The following DNAH1 variants were observed in gnomAD, a reference collection of about 807,000 sequenced individuals.
DNAH1 encodes axonemal beta dynein heavy chain 1.
DNAH1 carries 327 observed loss-of-function variants against 484.3 expected under a neutral mutation model. The ratio of observed to expected loss-of-function variants is 0.68; its 90% CI spans 0.62 to 0.74. The LOEUF is 0.74. DNAH1 is among the 30% of genes least tolerant of loss of function. DNAH1 has a pLI of 0.00. For missense variants in DNAH1, 5,052 were observed against 5,546.8 expected (o/e 0.91, Z 2.83); for synonymous variants, 2,192 against 2,191.9 (o/e 1.00, Z 0.00).
In DNAH1 at chr3:52,352,707, T is replaced by C. The variant is rs750685675; in HGVS notation, c.3027T>C (p.Asn1009=). The stretch of plus-strand genomic sequence containing the variant: ...GCATCTTCAGCTTGCCCATCACCAA[T>C]GTAGGCCTCCTGCAGGCACCCTGCC... ...RERIFSLPIT[N]YDKLSRMVKE... is the part of the protein sequence containing the mutation. The change falls in exon 18 of 78, where the codon AAT becomes AAC. Residue 1009 remains asparagine (N), a splice_region_variant and synonymous_variant. Coordinates refer to ENST00000420323, the MANE Select transcript of DNAH1 (RefSeq NM_015512.5). The C allele has an allele frequency of 1.2e-6, 2 of 1,608,278 alleles. No individual in the cohort carries two copies. The highest frequency in any genetic ancestry group is 1.7e-6 in the Non-Finnish European group (2 of 1,175,980).
At chr3:52,365,190 G>A (rs536701277) in intron 34 of DNAH1, among the ~76,000 whole-genome samples, 171 bp downstream of exon 34, 46 of 152,280 alleles carry the variant, frequency 3.0e-4, no homozygotes, top group Admixed American at 4.6e-4. Flanking sequence ...CAGATGTCCC[G>A]GCCCAGTCTC....
In DNAH1 at chr3:52,379,117, G is replaced by C. The variant is rs1038869183; in HGVS notation, c.7377+337G>C. On this transcript the variant is annotated intron_variant, in intron 47 of 77. Coordinates refer to ENST00000420323, the MANE Select transcript of DNAH1 (RefSeq NM_015512.5). The surrounding 1 kb of genome is among the most constrained non-coding windows in gnomAD (Gnocchi z 4.4). ...GAACCAAAAACCCCAGGTGGAAGGA[G>C]GGGGAAGTGTAGCAGGGAGCCAGGT... 6.6e-6 allele frequency among the ~76,000 whole-genome samples: 1 copy of C among 152,222 alleles called. No homozygotes were observed. Among genetic ancestry groups the C allele is most frequent in the African/African-American group, 2.4e-5 (1 of 41,458 alleles).
Position 52,391,472 on chromosome 3 carries a change from G to A in DNAH1, c.9921G>A (p.Leu3307=), listed in dbSNP as rs373665452. The change falls in exon 63 of 78, where the codon CTG becomes CTA. Residue 3307 remains leucine, a synonymous_variant. Coordinates refer to ENST00000420323, the MANE Select transcript of DNAH1 (RefSeq NM_015512.5). ...QTYKQQGNTV[L]KLGDTVIPYH... is the part of the protein sequence containing the mutation. ...ACAAGCAGCAGGGAAACACGGTGCT[G>A]AAGCTGGGGGACACGGTGATCCCCT... is the stretch of plus-strand genomic sequence containing the variant. The A allele has an allele frequency of 1.9e-6, 3 of 1,612,444 alleles. No homozygotes were observed. Among genetic ancestry groups the A allele is most frequent in the Admixed American group, 3.3e-5 (2 of 59,772 alleles).
chr3:52,324,574 C>T (rs79435204), intron 3 of DNAH1, among the ~76,000 whole-genome samples: 1 of 152,284 alleles, frequency 6.6e-6, no homozygotes, highest in African/African-American at 2.4e-5. Flanking sequence ...CCCTCCTCCC[C>T]ACCCCCAGGA....
In DNAH1 at chr3:52,386,665, C is replaced by T. The variant is rs1453330887; in HGVS notation, c.8815C>T (p.Arg2939Cys). ...CACTTGGTGGCTGGGCCTGCAGGTA[C>T]GTGCCATGCAGCGGCCACCCCCGGG... ...NLNKNDVTEV[R>C]AMQRPPPGVK... The change falls in exon 56 of 78, where the codon CGT becomes TGT. Residue 2939 changes from arginine (R) to cysteine (C), a missense_variant. Physicochemically the swap from Arg to Cys is radical, Grantham distance 180. Transcript: ENST00000420323. The T allele has an allele frequency of 3.2e-6, 5 of 1,575,024 alleles. No homozygotes were observed. Among genetic ancestry groups the T allele is most frequent in the Non-Finnish European group, 3.4e-6 (4 of 1,160,868 alleles).
chr3:52,378,847 A>G lies in DNAH1; in HGVS notation c.7377+67A>G, dbSNP rs920860221. On this transcript the variant is annotated intron_variant, in intron 47 of 77. Transcript: ENST00000420323. ...CTCCGCATCCTCCCCAGCCCCACCA[A>G]TTTCAGGCCTTCCTGCCCAAACAGG... The G allele has an allele frequency of 7.6e-6, 12 of 1,584,274 alleles. No homozygotes were observed. In the East Asian group the frequency reaches 2.5e-4, roughly 33 times the overall value.
At chr3:52,365,234 G>A (rs1389290720) in intron 34 of DNAH1, among the ~76,000 whole-genome samples, 2 of 152,210 alleles carry the variant, frequency 1.3e-5, no homozygotes, top group Admixed American at 6.5e-5. Flanking sequence ...GGAGGCAGGC[G>A]TTGTCCCCTT....
At position 52,352,031 on chromosome 3, in the gene DNAH1, G is replaced by A. The variant is rs763709981; in HGVS notation, c.2799G>A (p.Glu933=). Residue 933 remains glutamate, a synonymous_variant, in exon 17 of 78, where the codon GAG becomes GAA. Transcript: ENST00000420323. ...QIELVQQQHV[E]DEEKFRKIQI... is the part of the protein sequence containing the mutation. ...AGCTGGTGCAGCAGCAGCATGTGGA[G>A]GATGAGGAGAAGTTCCGCAAAATCC... 9.4e-6 allele frequency: 15 copies of A among 1,596,920 alleles called. No individual in the cohort carries two copies. Among genetic ancestry groups the A allele is most frequent in the Non-Finnish European group, 1.2e-5 (14 of 1,171,918 alleles).
At chr3:52,376,783 T>G (rs1029701062) in intron 46 of DNAH1, among the ~76,000 whole-genome samples, 17 of 152,258 alleles carry the variant, frequency 1.1e-4, no homozygotes, top group East Asian at 7.7e-4. Context: ...TCTTTCCCGC[T>G]GCACCCGCCC....
rs768624938 is a variant in DNAH1, at chr3:52,351,970, C to A, written c.2738C>A (p.Ala913Asp). ...SSDDFNDKWI[A>D]SNWPSKILGQ... ...ACCCCCATCCCGGCCAGATGGATTG[C>A]CAGCAACTGGCCTTCTAAGATCCTT... The change falls in exon 17 of 78, where the codon GCC becomes GAC. Residue 913 changes from alanine to aspartate, a missense_variant. Ala to Asp is a moderately radical substitution (Grantham distance 126). Coordinates refer to ENST00000420323, the MANE Select transcript of DNAH1 (RefSeq NM_015512.5). The A allele has an allele frequency of 6.2e-7, 1 of 1,601,702 alleles. No homozygotes were observed. The highest frequency in any genetic ancestry group is 2.3e-5 in the East Asian group (1 of 44,388).
intron 54 of DNAH1, 24 bp from the exon 55 acceptor site, chr3:52,386,136 C>A: frequency 6.3e-7 from 1 of 1,599,588 alleles, no homozygotes; most frequent in Non-Finnish European, 8.5e-7. Flanking sequence ...GGGGGGAGGA[C>A]ATCCCTATGT....
chr3:52,373,198 G>C (rs940833315), intron 44 of DNAH1, 145 bp downstream of exon 44: 7 of 1,069,440 alleles, frequency 6.5e-6, no homozygotes, highest in South Asian at 1.8e-5. Context: ...GAGGAGGGGG[G>C]CCGGCTGGGG....
At chr3:52,338,140 G>T (rs765268100) in intron 8 of DNAH1, among the ~76,000 whole-genome samples, 1 of 151,952 alleles carries the variant, frequency 6.6e-6, no homozygotes, top group Non-Finnish European at 1.5e-5. Flanking sequence ...ATGGAGTCTT[G>T]TTTTGTCACC....
chr3:52,344,008 C>T (rs561334722), intron 8 of DNAH1, among the ~76,000 whole-genome samples: 10 of 152,348 alleles, frequency 6.6e-5, no homozygotes, highest in African/African-American at 2.2e-4. Context: ...GTCACCCACC[C>T]TCAGGCCCAG....
At chr3:52,321,872 AAC>A (rs1701160780) in intron 1 of DNAH1, 1 of 153,204 alleles carries the variant, frequency 6.5e-6, no homozygotes. Context: ...CGAGTGGGCA[AAC>A]ACAGGGGAGG....
intron 65 of DNAH1, 127 bp from the exon 66 acceptor site, chr3:52,393,207 C>A: frequency 6.7e-7 from 1 of 1,498,990 alleles, no homozygotes; most frequent in Non-Finnish European, 9.1e-7. Flanking sequence ...ACTGGGAACA[C>A]CAAGTGCCCA....
upstream of DNAH1, among the ~76,000 whole-genome samples, chr3:52,315,406 G>T (rs1347852352): frequency 6.6e-6 from 1 of 152,210 alleles, no homozygotes; most frequent in Non-Finnish European, 1.5e-5. Context: ...GTGAAGCATT[G>T]CTCCCATCTC....
In DNAH1 at chr3:52,362,825, G is replaced by A. The variant is rs1702918582; in HGVS notation, c.5095-170G>A. On this transcript the variant is annotated intron_variant, in intron 31 of 77. Transcript: ENST00000420323. The surrounding 1 kb of genome is among the most constrained non-coding windows in gnomAD (Gnocchi z 5.1). ...GGGGGCAGGTTTGGATCAACACCAAGGATCCACTCTAATGGCAGAGCTACC... is the reference window on the plus strand; with the variant it reads ...GGGGGCAGGTTTGGATCAACACCAAAGATCCACTCTAATGGCAGAGCTACC... Among the ~76,000 whole-genome samples the A allele has an allele frequency of 6.6e-6, 1 of 152,192 alleles. No individual in the cohort carries two copies.
In DNAH1 at chr3:52,387,914, T is replaced by C. The variant is rs530301873; in HGVS notation, c.9004-253T>C. 4.6e-4 allele frequency among the ~76,000 whole-genome samples: 70 copies of C among 152,318 alleles called. No individual in the cohort carries two copies. In the South Asian group the frequency reaches 0.014, roughly 30 times the overall value. On this transcript the variant is annotated intron_variant, in intron 56 of 77. Coordinates refer to ENST00000420323, the MANE Select transcript of DNAH1 (RefSeq NM_015512.5). Reference sequence around the variant, plus strand: ...CTTTTAAGTGGGGTCTTGTGTGTTATGTGCTCTTGAGACTGCCGCAGTGTC... The same window carrying C: ...CTTTTAAGTGGGGTCTTGTGTGTTACGTGCTCTTGAGACTGCCGCAGTGTC...
Sources: gnomAD v4.1 joint callset for allele counts (sites outside exome capture counted in the v4.1 genomes callset) on GRCh38, gnomAD v4.1.1 for gene constraint, Gnocchi (gnomAD v3.1) non-coding constraint, MANE v1.5 for transcripts, NCBI Gene and HGNC (gene_info 2026-07-23, HGNC 2026-07-21) for gene names.